The following PTPRH variants were observed in gnomAD, a reference collection of about 807,000 sequenced individuals.
PTPRH encodes the protein receptor-type tyrosine-protein phosphatase H.
Under a neutral mutation model 130.2 loss-of-function variants are expected in PTPRH, and 113 were observed. That is an observed-to-expected ratio of 0.87 (90% CI 0.75 to 1.01). The LOEUF is 1.01. PTPRH is among the 50% of genes least tolerant of loss of function. The pLI, the probability that PTPRH is intolerant of heterozygous loss-of-function variation, is 0.00. For synonymous variants in PTPRH, 556 were observed against 577.9 expected (o/e 0.96, Z 0.54); for missense variants, 1,430 against 1,425.0 (o/e 1.00, Z -0.06).
At chr19:55,207,597 C>G (rs1235712257) in intron 1 of PTPRH, among the ~76,000 whole-genome samples, 1 of 148,076 alleles carries the variant, frequency 6.8e-6, no homozygotes, top group African/African-American at 2.5e-5. Context: ...GGGCCTGGGT[C>G]TGAGGGAGGA....
chr19:55,191,804 C>T (rs1024367960), intron 10 of PTPRH, 63 bp from the exon 11 acceptor site: 3 of 1,387,438 alleles, frequency 2.2e-6, no homozygotes, highest in East Asian at 2.3e-5. Context: ...CTGTCTCCAA[C>T]CCTGCCCAGC....
intron 9 of PTPRH, 90 bp from the exon 10 acceptor site, chr19:55,196,878 A>G (rs1164655411): frequency 6.7e-7 from 1 of 1,485,886 alleles, no homozygotes; most frequent in Non-Finnish European, 9.1e-7. Context: ...AGACGAGCCC[A>G]TCCCTTCCTC....
chr19:55,192,168 G>A (rs1443792220), intron 10 of PTPRH: 31 of 354,722 alleles, frequency 8.7e-5, no homozygotes, highest in South Asian at 5.1e-4. Context: ...TTTGGGAGGC[G>A]GAGATGGGCA....
rs1471597844 is a variant in PTPRH at position 55,209,453 on chromosome 19, G to A, written c.-20C>T. 6.5e-7 allele frequency: 1 copy of A among 1,530,020 alleles called. No individual in the cohort carries two copies. Among genetic ancestry groups the A allele is most frequent in the African/African-American group, 1.4e-5 (1 of 72,994 alleles). 94.8% of individuals were successfully genotyped at this position (1,530,020 alleles called of 1,614,324 possible). On this transcript the variant is annotated 5_prime_UTR_variant, in exon 1 of 20. Coordinates refer to ENST00000376350, the MANE Select transcript of PTPRH (RefSeq NM_002842.5). The surrounding 1 kb of genome is among the most constrained non-coding windows in gnomAD (Gnocchi z 4.1). ...AGCCATGCCTCCAGACACTGCCGGG[G>A]ACCCAGGAGTCCCAGGCCTAGTCCT...
Position 55,182,087 on chromosome 19 carries a change from C to G in PTPRH, c.3127G>C (p.Glu1043Gln). 1 of 1,614,146 alleles carries G rather than the reference C, an allele frequency of 6.2e-7. No individual in the cohort carries two copies. Among genetic ancestry groups the G allele is most frequent in the Non-Finnish European group, 8.5e-7 (1 of 1,180,034 alleles). The change falls in exon 19 of 20, where the codon GAG becomes CAG. Residue 1043 changes from glutamate to glutamine, a missense_variant. By Grantham distance (29) the Glu-to-Gln change is conservative (BLOSUM62 2). Transcript: ENST00000376350. Reference protein sequence around the residue: ...LDVLLRQLQSEGLLGPFSFVR... With the variant: ...LDVLLRQLQSQGLLGPFSFVR... Reference sequence around the variant, plus strand: ...AAGCTGAAGGGCCCAAGGAGACCCTCGGACTGCAGCTGCCGGAGCAGGACG... The same window carrying G: ...AAGCTGAAGGGCCCAAGGAGACCCTGGGACTGCAGCTGCCGGAGCAGGACG...
At position 55,202,134 on chromosome 19, in the gene PTPRH, C is replaced by G. The variant is rs147691392; in HGVS notation, c.1075G>C (p.Gly359Arg). 4 of 1,614,096 alleles carry G rather than the reference C, an allele frequency of 2.5e-6. No homozygotes were observed. Among genetic ancestry groups the G allele is most frequent in the East Asian group, 2.2e-5 (1 of 44,902 alleles). Residue 359 changes from glycine to arginine, a missense_variant, in exon 6 of 20, where the codon GGG (glycine) becomes CGG (arginine). By Grantham distance (125) the Gly-to-Arg change is moderately radical. Coordinates refer to ENST00000376350, the MANE Select transcript of PTPRH (RefSeq NM_002842.5). ...CACACGGAAAACACATACAAACACCCGGGTTCAAGTCTATCCACGGTGATG... is the reference window on the plus strand; with the variant it reads ...CACACGGAAAACACATACAAACACCGGGGTTCAAGTCTATCCACGGTGATG... ...TNITVDRLEP[G>R]CLYVFSVWVG...
At chr19:55,199,148 T>C (rs570104940) in intron 7 of PTPRH, among the ~76,000 whole-genome samples, 1 of 152,076 alleles carries the variant, frequency 6.6e-6, no homozygotes, top group Admixed American at 6.6e-5. Context: ...CTACTAAAAA[T>C]TAAAACAAAT....
chr19:55,188,444 C>T (rs1440664936), intron 12 of PTPRH, among the ~76,000 whole-genome samples: 1 of 152,134 alleles, frequency 6.6e-6, no homozygotes, highest in East Asian at 1.9e-4. Context: ...ACCCGTGAGG[C>T]AGAGGTTGTG....
intron 12 of PTPRH, among the ~76,000 whole-genome samples, chr19:55,190,492 T>TTTATATA (rs200665099): frequency 0.21 from 28,916 of 137,366 alleles, 3,910 homozygotes; most frequent in African/African-American, 0.33. Flanking sequence ...TATTATATAA[T>TTTATATA]TTATATATTA....
rs373338515 is a variant in PTPRH at position 55,198,857 on chromosome 19, A to G, written c.1476T>C (p.Ala492=). 1.8e-5 allele frequency: 28 copies of G among 1,573,684 alleles called. No homozygotes were observed. The African/African-American group carries it at 2.7e-4, about 15-fold the overall frequency. Residue 492 remains alanine (A), a synonymous_variant, in exon 8 of 20, where the codon GCT becomes GCC. Coordinates refer to ENST00000376350, the MANE Select transcript of PTPRH (RefSeq NM_002842.5). ...GGCCCTGGGGAGCTGTCCAGCGCAA[A>G]GCAATGGTGCTGTTGGTCCAGTCCT... The part of the protein sequence containing the change: ...SKQDWTNSTI[A]LRWTAPQGPG...
chr19:55,192,930 G>C (rs1349141328), intron 10 of PTPRH, among the ~76,000 whole-genome samples: 1 of 151,872 alleles, frequency 6.6e-6, no homozygotes, highest in African/African-American at 2.4e-5. Context: ...TGACCTGGTT[G>C]CTGAAGAGTG....
In PTPRH at chr19:55,200,420, T is replaced by C; in HGVS notation, c.1236A>G (p.Pro412=). Residue 412 remains proline, a synonymous_variant, in exon 7 of 20, where the codon CCA becomes CCG. Transcript: ENST00000376350. The stretch of plus-strand genomic sequence containing the variant: ...CCCAGTAGGTGTAGTCCTGAGGGTA[T>C]GGGCCATCGGGGACTTCCCAGCATA... The part of the protein sequence containing the change: ...IALCWEVPDG[P]YPQDYTYWVE... The C allele has an allele frequency of 6.2e-7, 1 of 1,614,160 alleles. No homozygotes were observed. The highest frequency in any genetic ancestry group is 8.5e-7 in the Non-Finnish European group (1 of 1,180,020).
intron 13 of PTPRH, among the ~76,000 whole-genome samples, chr19:55,187,821 G>C (rs367902866): frequency 2.0e-5 from 3 of 151,936 alleles, no homozygotes; most frequent in African/African-American, 7.2e-5. Context: ...CTTCAGGCAG[G>C]CAAGAAAGCA....
Position 55,182,130 on chromosome 19 carries a change from T to A in PTPRH, c.3084A>T (p.Gly1028=). The A allele has an allele frequency of 6.2e-7, 1 of 1,613,926 alleles. No individual in the cohort carries two copies. The highest frequency in any genetic ancestry group is 1.6e-4 in the Middle Eastern group (1 of 6,062). Residue 1028 remains glycine, a synonymous_variant, in exon 19 of 20, where the codon GGA becomes GGT. Coordinates refer to ENST00000376350, the MANE Select transcript of PTPRH (RefSeq NM_002842.5). ...GCAGGACGTCCAGGGCAATGAGGGTTCCTGTGCGACCCACGCCAGCACTAG... is the reference window on the plus strand; with the variant it reads ...GCAGGACGTCCAGGGCAATGAGGGTACCTGTGCGACCCACGCCAGCACTAG... ...VHCSAGVGRT[G]TLIALDVLLR... is the part of the protein sequence containing the mutation.
chr19:55,185,364 C>A, intron 18 of PTPRH, 138 bp downstream of exon 18: 1 of 909,442 alleles, frequency 1.1e-6, no homozygotes, highest in Non-Finnish European at 1.6e-6. Context: ...TTCACGCCCC[C>A]CTTTATCTTC....
chr19:55,187,247 A>C (rs2086373802), intron 14 of PTPRH, among the ~76,000 whole-genome samples: 1 of 140,506 alleles, frequency 7.1e-6, no homozygotes, highest in South Asian at 2.5e-4. Context: ...CGGGAGGCTG[A>C]GGCAGGAGAA....
intron 5 of PTPRH, among the ~76,000 whole-genome samples, chr19:55,202,644 C>T (rs1238660204): frequency 6.6e-6 from 1 of 151,550 alleles, no homozygotes; most frequent in Non-Finnish European, 1.5e-5. Context: ...TATACACACA[C>T]ATATATATAC....
chr19:55,187,628 C>A (rs115969789), intron 13 of PTPRH, 25 bp from the exon 14 acceptor site: 21 of 1,559,604 alleles, frequency 1.3e-5, no homozygotes, highest in East Asian at 2.3e-5. Flanking sequence ...AGAGGGGGTA[C>A]CTGGTGTTGG....
intron 18 of PTPRH, among the ~76,000 whole-genome samples, chr19:55,183,263 G>C (rs2086227757): frequency 6.6e-6 from 1 of 150,606 alleles, no homozygotes; most frequent in Admixed American, 6.6e-5. Flanking sequence ...AATTACCCGG[G>C]TGTGGTGGCG....
Sources: allele counts gnomAD v4.1 joint callset (sites outside exome capture counted in the v4.1 genomes callset), GRCh38; gene constraint gnomAD v4.1.1; non-coding constraint Gnocchi (gnomAD v3.1); transcripts MANE v1.5; gene names NCBI Gene and HGNC (gene_info 2026-07-23, HGNC 2026-07-21).